Variants in GLIS3 observed in about 807,000 individuals in gnomAD.
GLIS3 encodes the protein zinc finger protein GLIS3.
In GLIS3, 53 loss-of-function variants were observed where a neutral mutation model predicts 78.6. The ratio of observed to expected loss-of-function variants is 0.67; its 90% CI spans 0.54 to 0.85. GLIS3 has a LOEUF of 0.85. GLIS3 is among the 40% of genes least tolerant of loss of function. The pLI is 0.00. For synonymous variants in GLIS3, 684 were observed against 509.9 expected (o/e 1.34, Z -4.60); for missense variants, 1,703 against 1,231.1 (o/e 1.38, Z -5.74).
intron 4 of GLIS3, among the ~76,000 whole-genome samples, chr9:4,045,734 G>A (rs894574954): frequency 2.0e-5 from 3 of 152,126 alleles, no homozygotes; most frequent in Non-Finnish European, 4.4e-5. Context: ...AGAGGCTGAA[G>A]GTGAAATTAA....
At chr9:4,131,893 G>C (rs1054591331) in intron 2 of GLIS3, among the ~76,000 whole-genome samples, 9 of 151,996 alleles carry the variant, frequency 5.9e-5, no homozygotes, top group Admixed American at 2.0e-4. Context: ...TACTATGATT[G>C]TTACATGCCT....
chr9:3,990,134 A>G (rs1820106780), intron 4 of GLIS3, among the ~76,000 whole-genome samples: 1 of 152,228 alleles, frequency 6.6e-6, no homozygotes, highest in African/African-American at 2.4e-5. Context: ...ATTTTCAAAG[A>G]TGACATGTGA....
intron 2 of GLIS3, among the ~76,000 whole-genome samples, chr9:4,196,348 A>T (rs954755928): frequency 6.6e-6 from 1 of 152,136 alleles, no homozygotes; most frequent in Admixed American, 6.5e-5. Context: ...GTGGGGTCAG[A>T]TAAGGGAATA....
At chr9:4,437,420 G>GTATGTATGTATGTATGTATGTATGTATC in the GLIS3 span, among the ~76,000 whole-genome samples, 3 of 127,040 alleles carry the variant, frequency 2.4e-5, no homozygotes, top group South Asian at 7.9e-4. Flanking sequence ...ATGTATGTAT[G>GTATGTATGTATGTATGTATGTATGTATC]TATCTATCTA....
chr9:4,131,759 C>T (rs1333030095), intron 2 of GLIS3, among the ~76,000 whole-genome samples: 1 of 152,014 alleles, frequency 6.6e-6, no homozygotes, highest in Non-Finnish European at 1.5e-5. Context: ...AATGTGAGAA[C>T]GGACTAATAC....
chr9:4,464,672 G>C, the GLIS3 span, among the ~76,000 whole-genome samples: 1 of 152,304 alleles, frequency 6.6e-6, no homozygotes, highest in African/African-American at 2.4e-5. Context: ...TGTGATTACA[G>C]GCATGAGCCA....
chr9:3,975,091 A>T (rs1320810774), intron 4 of GLIS3: 1 of 152,264 alleles, frequency 6.6e-6, no homozygotes, highest in Non-Finnish European at 1.5e-5. Flanking sequence ...TTGAAAAAGG[A>T]CATTAAACAA....
chr9:4,316,851 G>A (rs990372872), intron 2 of GLIS3, among the ~76,000 whole-genome samples: 1 of 140,718 alleles, frequency 7.1e-6, no homozygotes, highest in Admixed American at 7.3e-5. Flanking sequence ...TTTAATATGA[G>A]AAGTGTTGGT....
At chr9:4,268,223 T>C (rs1826195172) in intron 2 of GLIS3, among the ~76,000 whole-genome samples, 1 of 148,348 alleles carries the variant, frequency 6.7e-6, no homozygotes, top group Admixed American at 6.7e-5. Context: ...AAAACAGGAG[T>C]CATAATAACA....
At chr9:4,267,195 A>T (rs1826094365) in intron 2 of GLIS3, among the ~76,000 whole-genome samples, 1 of 152,114 alleles carries the variant, frequency 6.6e-6, no homozygotes, top group Admixed American at 6.6e-5. Context: ...AAACCGTCAC[A>T]TCTCCCATCT....
chr9:4,286,078 C>T lies in GLIS3; in HGVS notation c.348G>A (p.Gln116=), dbSNP rs373954844. 9.7e-5 allele frequency: 156 copies of T among 1,613,514 alleles called. No individual in the cohort carries two copies. The highest frequency in any genetic ancestry group is 1.2e-4 in the Non-Finnish European group (146 of 1,179,778). Residue 116 remains glutamine (Q), a synonymous_variant, in exon 2 of 11, where the codon CAG becomes CAA. Coordinates refer to ENST00000381971, the MANE Select transcript of GLIS3 (RefSeq NM_001042413.2). ...GAGGAAAAGGGCTTCCAAACTCCTG[C>T]TGCTTTGGCTTTAAAGTATGTGACC... The part of the protein sequence containing the change: ...MSGSHTLKPK[Q]QEFGSPFPPN...
the GLIS3 span, among the ~76,000 whole-genome samples, chr9:4,372,054 T>C: frequency 2.0e-5 from 3 of 152,136 alleles, no homozygotes; most frequent in East Asian, 5.8e-4. Flanking sequence ...TCCTGTGGGA[T>C]CCCTGTTATT....
At chr9:4,174,551 A>G (rs559792217) in intron 2 of GLIS3, among the ~76,000 whole-genome samples, 50 of 152,374 alleles carry the variant, frequency 3.3e-4, no homozygotes, top group South Asian at 1.9e-3. Context: ...GCAAAAAATG[A>G]TTCCTATATA....
chr9:4,310,015 G>C (rs1817322250), intron 3 of GLIS3, among the ~76,000 whole-genome samples: 1 of 152,224 alleles, frequency 6.6e-6, no homozygotes, highest in Non-Finnish European at 1.5e-5. Context: ...ATTTGGCTTT[G>C]ATCTGAGTTG....
chr9:4,283,987 A>G (rs531217430), intron 2 of GLIS3, among the ~76,000 whole-genome samples: 1 of 152,344 alleles, frequency 6.6e-6, no homozygotes, highest in Non-Finnish European at 1.5e-5. Context: ...GAAGAGAATC[A>G]AGAAGCAGCA....
intron 4 of GLIS3, among the ~76,000 whole-genome samples, chr9:3,947,617 A>T (rs1286472817): frequency 6.6e-6 from 1 of 152,244 alleles, no homozygotes. Context: ...AAGGAAATTC[A>T]CACACGAAGA....
At chr9:4,447,357 G>A in the GLIS3 span, among the ~76,000 whole-genome samples, 1 of 152,028 alleles carries the variant, frequency 6.6e-6, no homozygotes, top group Non-Finnish European at 1.5e-5. Flanking sequence ...ATACAGGAGT[G>A]AGCCACCATG....
the GLIS3 span, among the ~76,000 whole-genome samples, chr9:4,414,593 G>C: frequency 1.3e-5 from 2 of 152,074 alleles, no homozygotes; most frequent in South Asian, 4.2e-4. Context: ...GGTCATTCTT[G>C]ATCACTGACT....
At chr9:4,100,015 T>C (rs1830244797) in intron 4 of GLIS3, among the ~76,000 whole-genome samples, 1 of 152,222 alleles carries the variant, frequency 6.6e-6, no homozygotes, top group Non-Finnish European at 1.5e-5. Flanking sequence ...AGACCACTCA[T>C]TCTGCCTCCC....
Sources: gnomAD v4.1 joint callset for allele counts (sites outside exome capture counted in the v4.1 genomes callset) on GRCh38, gnomAD v4.1.1 for gene constraint, MANE v1.5 for transcripts, NCBI Gene and HGNC (gene_info 2026-07-23, HGNC 2026-07-21) for gene names.